The following GRIN3A variants were observed in gnomAD, a reference collection of about 807,000 sequenced individuals.
GRIN3A encodes the protein glutamate ionotropic receptor NMDA type subunit 3A.
Under a neutral mutation model 92.4 loss-of-function variants are expected in GRIN3A, and 47 were observed. The observed-to-expected ratio is 0.51, with a 90% CI of 0.40 to 0.65. The LOEUF (loss-of-function observed/expected upper bound fraction) is 0.65. GRIN3A is among the 30% of genes least tolerant of loss of function. The probability of loss-of-function intolerance (pLI) is 0.00; values close to 1 mark genes in which losing one functional copy is unlikely to be tolerated. For synonymous variants in GRIN3A, 527 were observed against 540.6 expected, an observed-to-expected ratio of 0.97 and a Z score of 0.35; for missense variants, 1,324 against 1,393.1, an observed-to-expected ratio of 0.95 and a Z score of 0.79.
intron 1 of GRIN3A, among the ~76,000 whole-genome samples, chr9:101,710,616 A>G (rs1829866242): frequency 6.6e-6 from 1 of 152,168 alleles, no homozygotes; most frequent in South Asian, 2.1e-4. Context: ...AAAATTATAT[A>G]ATCAGTTTAC....
intron 5 of GRIN3A, among the ~76,000 whole-genome samples, chr9:101,615,387 T>G (rs909554967): frequency 1.7e-5 from 1 of 58,316 alleles, no homozygotes; most frequent in Non-Finnish European, 3.3e-5. Context: ...TTTTTGTTCC[T>G]TTTTTTTTTT....
At position 101,647,214 on chromosome 9, in the gene GRIN3A, A is replaced by G. The variant is rs182738905; in HGVS notation, c.2353-18813T>C. 3.1e-3 allele frequency among the ~76,000 whole-genome samples: 472 copies of G among 151,990 alleles called. 2 individuals carry two copies. The highest frequency in any genetic ancestry group is 5.3e-3 in the Non-Finnish European group (358 of 67,880). ...GAGTTTTATCATAAAGGGCTGCTGA[A>G]TTTTATGAATGCTTTTTCAGTATCT... is the stretch of plus-strand genomic sequence containing the variant. On this transcript the variant is annotated intron_variant, in intron 3 of 8. Coordinates refer to ENST00000361820, the MANE Select transcript of GRIN3A (RefSeq NM_133445.3).
At chr9:101,641,657 C>T (rs1444814156) in intron 3 of GRIN3A, among the ~76,000 whole-genome samples, 1 of 151,784 alleles carries the variant, frequency 6.6e-6, no homozygotes, top group Non-Finnish European at 1.5e-5. Context: ...GGAGGGATAG[C>T]ATTAGGAGAT....
At chr9:101,737,064 C>A (rs936208217) in intron 1 of GRIN3A, among the ~76,000 whole-genome samples, 3 of 152,112 alleles carry the variant, frequency 2.0e-5, no homozygotes, top group African/African-American at 7.2e-5. Context: ...GACCTCACTG[C>A]GCGTTTTATT....
intron 5 of GRIN3A, among the ~76,000 whole-genome samples, chr9:101,623,100 A>AT (rs537201134): frequency 6.3e-4 from 96 of 152,196 alleles, no homozygotes; most frequent in South Asian, 3.9e-3. Flanking sequence ...GGTAACAATG[A>AT]TTTTTCCCCC....
At chr9:101,610,208 A>AT (rs1456348888) in intron 6 of GRIN3A, among the ~76,000 whole-genome samples, 2 of 152,244 alleles carry the variant, frequency 1.3e-5, no homozygotes, top group African/African-American at 4.8e-5. Flanking sequence ...CTAAATAAAG[A>AT]TAAAAATGTC....
At chr9:101,692,000 C>T (rs1829626392) in intron 1 of GRIN3A, among the ~76,000 whole-genome samples, 1 of 152,048 alleles carries the variant, frequency 6.6e-6, no homozygotes, top group Non-Finnish European at 1.5e-5. Flanking sequence ...ATGGAAAGTG[C>T]CTGGCGCAGA....
At chr9:101,625,675 C>T (rs1828624199) in intron 4 of GRIN3A, among the ~76,000 whole-genome samples, 2 of 152,138 alleles carry the variant, frequency 1.3e-5, no homozygotes, top group African/African-American at 4.8e-5. Context: ...TAATGGGAAG[C>T]TTTAGAAAGT....
rs552808396 is a variant in GRIN3A at position 101,628,483 on chromosome 9, A to G, written c.2353-82T>C. ...AACATTTTTTTCATAATTCTTTGAA[A>G]CTTAATAATAATTCGGAACTTTTCT... On this transcript the variant is annotated intron_variant, in intron 3 of 8. Transcript: ENST00000361820. 4.2e-6 allele frequency: 6 copies of G among 1,412,176 alleles called. No individual in the cohort carries two copies. The African/African-American group carries it at 7.2e-5, about 17-fold the overall frequency. 87.5% of individuals were successfully genotyped at this position (1,412,176 alleles called of 1,614,324 possible). A position where few individuals can be genotyped will look rare whatever the true frequency, so the allele number is the denominator to read the frequency against.
chr9:101,583,264 T>G (rs991315189), intron 6 of GRIN3A, among the ~76,000 whole-genome samples: 1 of 152,222 alleles, frequency 6.6e-6, no homozygotes, highest in Non-Finnish European at 1.5e-5. Context: ...TAGTTGAATC[T>G]TCACTATTCG....
At chr9:101,642,054 T>C (rs1041491924) in intron 3 of GRIN3A, among the ~76,000 whole-genome samples, 2 of 152,132 alleles carry the variant, frequency 1.3e-5, no homozygotes, top group African/African-American at 4.8e-5. Flanking sequence ...GCTAGAGGCA[T>C]CATAATACTT....
Position 101,637,285 on chromosome 9 carries a change from G to C in GRIN3A, c.2353-8884C>G, listed in dbSNP as rs371128569. Among the ~76,000 whole-genome samples, 57 of 152,148 alleles carry C rather than the reference G, an allele frequency of 3.7e-4. No individual in the cohort carries two copies. In the East Asian group the frequency reaches 6.2e-3, roughly 17 times the overall value. The stretch of plus-strand genomic sequence containing the variant: ...TTTTTTTGTATTTTCAGTAGAGATG[G>C]GGTTTCACCATGTTAGCCAGGATGG... On this transcript the variant is annotated intron_variant, in intron 3 of 8. Transcript: ENST00000361820.
intron 6 of GRIN3A, chr9:101,591,684 ATTAACTG>A (rs1268947780): frequency 6.6e-6 from 1 of 152,268 alleles, no homozygotes; most frequent in African/African-American, 2.4e-5. Flanking sequence ...GCAACTGGCA[ATTAACTG>A]ACAGGAAAAA....
chr9:101,710,352 A>C (rs574571516), intron 1 of GRIN3A, among the ~76,000 whole-genome samples: 34 of 152,350 alleles, frequency 2.2e-4, no homozygotes, highest in African/African-American at 7.9e-4. Flanking sequence ...ACAAATTAAC[A>C]TAAAAATTCA....
In GRIN3A at chr9:101,670,435, G is replaced by C; in HGVS notation, c.1977C>G (p.Thr659=). 1.2e-6 allele frequency: 2 copies of C among 1,613,958 alleles called. No homozygotes were observed. Among genetic ancestry groups the C allele is most frequent in the Middle Eastern group, 1.7e-4 (1 of 6,060 alleles). The part of the protein sequence containing the change: ...FSTSLGILVR[T]RDTAAPIGAF... ...CTCCAATGGGAGCTGCTGTATCTCG[G>C]GTCCTCACTAAGATGCCCAAGCTGG... The change falls in exon 3 of 9, where the codon ACC becomes ACG. Residue 659 remains threonine (T), a synonymous_variant. Transcript: ENST00000361820.
chr9:101,670,259 G>A lies in GRIN3A; in HGVS notation c.2153C>T (p.Ser718Leu). 6.2e-7 allele frequency: 1 copy of A among 1,614,078 alleles called. No individual in the cohort carries two copies. The highest frequency in any genetic ancestry group is 8.5e-7 in the Non-Finnish European group (1 of 1,179,968). Residue 718 changes from serine (S) to leucine (L), a missense_variant, in exon 3 of 9, where the codon TCA becomes TTA. Physicochemically the swap from Ser to Leu is moderately radical, Grantham distance 145. Coordinates refer to ENST00000361820, the MANE Select transcript of GRIN3A (RefSeq NM_133445.3). ...RNRSKVFSFS[S>L]ALNICYALLF... The stretch of plus-strand genomic sequence containing the variant: ...GAGGGCATAACAGATGTTCAAGGCT[G>A]AAGAAAAGGAGAAGACTTTACTTCT...
At chr9:101,721,150 G>A (rs1830007922) in intron 1 of GRIN3A, among the ~76,000 whole-genome samples, 1 of 152,158 alleles carries the variant, frequency 6.6e-6, no homozygotes, top group South Asian at 2.1e-4. Context: ...TGTTGTGGGA[G>A]GGACCCAGAG....
rs141794688 is a variant in GRIN3A, at chr9:101,702,458, T to G, written c.700-15258A>C. The stretch of plus-strand genomic sequence containing the variant: ...ACATATGACTCACCTCTACATACCT[T>G]TCAGCACAGTTGTTCACTCCCTCTT... On this transcript the variant is annotated intron_variant, in intron 1 of 8. Coordinates refer to ENST00000361820, the MANE Select transcript of GRIN3A (RefSeq NM_133445.3). Among the ~76,000 whole-genome samples the G allele has an allele frequency of 2.4e-4, 36 of 152,300 alleles. No individual in the cohort carries two copies. The East Asian group carries it at 6.9e-3, about 29-fold the overall frequency.
intron 1 of GRIN3A, among the ~76,000 whole-genome samples, chr9:101,734,826 ACTTT>A (rs1481079740): frequency 1.3e-5 from 2 of 151,970 alleles, no homozygotes; most frequent in East Asian, 3.8e-4. Flanking sequence ...GAAAAAGTCC[ACTTT>A]CTTCTCGAAT....
Sources: allele counts gnomAD v4.1 joint callset (sites outside exome capture counted in the v4.1 genomes callset), GRCh38; gene constraint gnomAD v4.1.1; transcripts MANE v1.5; gene names NCBI Gene and HGNC (gene_info 2026-07-23, HGNC 2026-07-21).